The following TMEM178B variants were observed in gnomAD, a reference collection of about 807,000 sequenced individuals.
The protein encoded by TMEM178B is transmembrane protein 178B.
A neutral mutation model predicts 31.0 loss-of-function variants in TMEM178B; 5 were observed. The ratio of observed to expected loss-of-function variants is 0.16; its 90% CI spans 0.08 to 0.34. TMEM178B has a LOEUF of 0.34. Among genes scored for constraint, TMEM178B ranks in the 10% least tolerant of loss-of-function variants. The pLI is 1.00. For missense variants in TMEM178B, 275 were observed against 400.3 expected (o/e 0.69, Z 2.67); for synonymous variants, 164 against 164.0 (o/e 1.00, Z 0.00).
intron 2 of TMEM178B, among the ~76,000 whole-genome samples, chr7:141,226,173 A>G (rs1797338645): frequency 6.6e-6 from 1 of 152,136 alleles, no homozygotes; most frequent in South Asian, 2.1e-4. Flanking sequence ...AGAAAAAGCT[A>G]CTGTGCACAA....
intron 3 of TMEM178B, among the ~76,000 whole-genome samples, chr7:141,459,264 G>A (rs1052982111): frequency 5.3e-5 from 8 of 152,148 alleles, no homozygotes; most frequent in African/African-American, 1.7e-4. Context: ...CCCGACTTCA[G>A]GTGATCCACC....
intron 2 of TMEM178B, among the ~76,000 whole-genome samples, chr7:141,405,460 G>T (rs1456729383): frequency 3.3e-5 from 5 of 152,184 alleles, no homozygotes; most frequent in African/African-American, 1.2e-4. Context: ...TTGACTGTGG[G>T]GCCAGTTTCC....
chr7:141,409,693 C>T (rs184400984), intron 2 of TMEM178B, among the ~76,000 whole-genome samples: 50 of 151,458 alleles, frequency 3.3e-4, no homozygotes, highest in East Asian at 1.4e-3. Flanking sequence ...TCCTCCAGTA[C>T]GCAAACACAA....
In TMEM178B at chr7:141,394,312, G is replaced by A. The variant is rs200047514; in HGVS notation, c.497-43296G>A. Among the ~76,000 whole-genome samples, 8 of 152,338 alleles carry A rather than the reference G, an allele frequency of 5.3e-5. No homozygotes were observed. The East Asian group carries it at 9.6e-4, about 18-fold the overall frequency. On this transcript the variant is annotated intron_variant, in intron 2 of 3. Coordinates refer to ENST00000565468, the MANE Select transcript of TMEM178B (RefSeq NM_001195278.2). ...GTCATGGCAAGAAATTAGGCTTTGG[G>A]CCTAAAAGGGTTTGATTCAGATATG...
At chr7:141,455,499 A>C (rs1427163050) in intron 3 of TMEM178B, among the ~76,000 whole-genome samples, 1 of 152,254 alleles carries the variant, frequency 6.6e-6, no homozygotes, top group Non-Finnish European at 1.5e-5. Flanking sequence ...ACAGGTGTAC[A>C]TGAAATTGCT....
At chr7:141,212,730 T>C (rs1222588710) in intron 2 of TMEM178B, 26 bp downstream of exon 2, 3 of 1,512,860 alleles carry the variant, frequency 2.0e-6, no homozygotes, top group Non-Finnish European at 2.7e-6. Context: ...TCTCAGTGGC[T>C]GTGACTGTGC....
intron 1 of TMEM178B, among the ~76,000 whole-genome samples, chr7:141,130,140 G>T (rs1417305850): frequency 2.0e-5 from 3 of 152,178 alleles, no homozygotes; most frequent in Non-Finnish European, 4.4e-5. Context: ...TATATTAATA[G>T]AGATTCTTTA....
chr7:141,244,983 C>A (rs2129194221), intron 2 of TMEM178B, among the ~76,000 whole-genome samples: 1 of 151,220 alleles, frequency 6.6e-6, no homozygotes, highest in South Asian at 2.1e-4. Context: ...ACTAAAAATA[C>A]AAAATTTAGC....
chr7:141,245,112 G>A (rs1436113190), intron 2 of TMEM178B, among the ~76,000 whole-genome samples: 4 of 133,622 alleles, frequency 3.0e-5, no homozygotes, highest in Non-Finnish European at 6.2e-5. Context: ...GCAGTGAGCC[G>A]AGATCGCACC....
intron 3 of TMEM178B, among the ~76,000 whole-genome samples, chr7:141,440,248 C>T (rs899507939): frequency 9.9e-5 from 15 of 152,224 alleles, no homozygotes; most frequent in Non-Finnish European, 1.9e-4. Flanking sequence ...GAGTCAGAGG[C>T]CCCTTTCTAT....
At chr7:141,507,495 C>T in the TMEM178B span, among the ~76,000 whole-genome samples, 1 of 152,232 alleles carries the variant, frequency 6.6e-6, no homozygotes, top group South Asian at 2.1e-4. Context: ...GCCTCAGCCT[C>T]CTGAGTAACT....
At chr7:141,152,619 G>A (rs1795995152) in intron 1 of TMEM178B, among the ~76,000 whole-genome samples, 2 of 152,130 alleles carry the variant, frequency 1.3e-5, no homozygotes, top group South Asian at 2.1e-4. Flanking sequence ...GTGGACTCAG[G>A]AGCAAGAACA....
chr7:141,177,420 G>C lies in TMEM178B; in HGVS notation c.383-35171G>C, dbSNP rs561493922. 2.6e-5 allele frequency among the ~76,000 whole-genome samples: 4 copies of C among 152,338 alleles called. No individual in the cohort carries two copies. The South Asian group carries it at 8.3e-4, about 32-fold the overall frequency. On this transcript the variant is annotated intron_variant, in intron 1 of 3. Coordinates refer to ENST00000565468, the MANE Select transcript of TMEM178B (RefSeq NM_001195278.2). ...TGGAGCGGAGAAGAATGTATATTCT[G>C]TTGATTTGGGGTGGAGAGTTCTGTA... is the stretch of plus-strand genomic sequence containing the variant.
intron 2 of TMEM178B, among the ~76,000 whole-genome samples, chr7:141,250,406 C>T (rs974306211): frequency 1.3e-5 from 2 of 152,182 alleles, no homozygotes; most frequent in Admixed American, 6.5e-5. Context: ...AGGAAGGATT[C>T]GAACTGGGCA....
chr7:141,161,432 G>A (rs17161943), intron 1 of TMEM178B, among the ~76,000 whole-genome samples: 4,569 of 152,286 alleles, frequency 0.03, 247 homozygotes, highest in East Asian at 0.16. Context: ...AGGCCTAGAC[G>A]GTGACCCAGG....
chr7:141,153,533 A>G (rs1796014185), intron 1 of TMEM178B, among the ~76,000 whole-genome samples: 1 of 152,196 alleles, frequency 6.6e-6, no homozygotes, highest in African/African-American at 2.4e-5. Context: ...TTTTGGTATT[A>G]TTGCAAAAAC....
chr7:141,082,443 CA>C (rs1794702020), intron 1 of TMEM178B, among the ~76,000 whole-genome samples: 1 of 152,238 alleles, frequency 6.6e-6, no homozygotes, highest in Non-Finnish European at 1.5e-5. Flanking sequence ...AAGACATACT[CA>C]CCTTCAAAGA....
intron 1 of TMEM178B, among the ~76,000 whole-genome samples, chr7:141,076,905 G>C (rs1794608919): frequency 6.6e-6 from 1 of 152,184 alleles, no homozygotes. Context: ...ATTCTTGTTA[G>C]GTATTATTGA....
intron 1 of TMEM178B, among the ~76,000 whole-genome samples, chr7:141,209,750 G>A (rs1356831258): frequency 6.6e-6 from 1 of 152,162 alleles, no homozygotes; most frequent in African/African-American, 2.4e-5. Context: ...TGCAAGGAAG[G>A]CTTTGCTGAG....
Sources: allele counts gnomAD v4.1 joint callset (sites outside exome capture counted in the v4.1 genomes callset), GRCh38; gene constraint gnomAD v4.1.1; transcripts MANE v1.5; gene names NCBI Gene and HGNC (gene_info 2026-07-23, HGNC 2026-07-21).